The following ANO3 variants were observed in gnomAD, a reference collection of about 807,000 sequenced individuals.
ANO3 encodes the protein anoctamin-3.
In ANO3, 99 loss-of-function variants were observed where a neutral mutation model predicts 144.8. The ratio of observed to expected loss-of-function variants is 0.68; its 90% CI spans 0.58 to 0.81. The LOEUF (loss-of-function observed/expected upper bound fraction) is 0.81, where lower values mean the gene tolerates loss of function less well. ANO3 is among the 30% of genes least tolerant of loss of function. The pLI is 0.00. For synonymous variants in ANO3, 414 were observed against 392.6 expected (o/e 1.05, Z -0.64); for missense variants, 905 against 1,202.2 (o/e 0.75, Z 3.66).
rs1852886806 is a variant in ANO3 at position 26,634,461 on chromosome 11, T to A, written c.1985+146T>A. 5 of 571,812 alleles carry A rather than the reference T, an allele frequency of 8.7e-6. No homozygotes were observed. The East Asian group carries it at 1.4e-4, about 16-fold the overall frequency. 35.4% of individuals were successfully genotyped at this position (571,812 alleles called of 1,614,324 possible). A position where few individuals can be genotyped will look rare whatever the true frequency, so the allele number is the denominator to read the frequency against. ...AAAAAATAAAACCTATTTGCTGCAT[T>A]TGAGCTGAATTATGTCTGTTTCATC... On this transcript the variant is annotated intron_variant, in intron 19 of 26. Transcript: ENST00000256737.
At chr11:26,377,522 C>A (rs1265321277) in intron 1 of ANO3, among the ~76,000 whole-genome samples, 2 of 151,644 alleles carry the variant, frequency 1.3e-5, no homozygotes, top group African/African-American at 2.4e-5. Flanking sequence ...TAACAGAAAA[C>A]AATAAATTAA....
chr11:26,598,887 G>A lies in ANO3; in HGVS notation c.1560G>A (p.Lys520=). 6.2e-7 allele frequency: 1 copy of A among 1,613,880 alleles called. No individual in the cohort carries two copies. Among genetic ancestry groups the A allele is most frequent in the East Asian group, 2.2e-5 (1 of 44,844 alleles). The change falls in exon 16 of 27, where the codon AAG becomes AAA. Residue 520 remains lysine, a synonymous_variant. Transcript: ENST00000256737. ...EETLRPQFEA[K]YYKMEIVNPI... is the part of the protein sequence containing the mutation. ...CACTTCGTCCCCAGTTTGAAGCCAA[G>A]TATTACAAGATGGAGATTGTAAATC... is the stretch of plus-strand genomic sequence containing the variant.
At chr11:26,318,642 G>A (rs1043683073) in intron 1 of ANO3, among the ~76,000 whole-genome samples, 2 of 152,166 alleles carry the variant, frequency 1.3e-5, no homozygotes, top group African/African-American at 2.4e-5. Flanking sequence ...ACTTTGTGTG[G>A]GCTGGTGTAT....
intron 1 of ANO3, among the ~76,000 whole-genome samples, chr11:26,252,402 T>C (rs1254884571): frequency 2.6e-5 from 4 of 152,202 alleles, no homozygotes; most frequent in Non-Finnish European, 4.4e-5. Context: ...TCAGAGCCTG[T>C]TATGCAGTGA....
At chr11:26,610,308 AT>A (rs34715952) in intron 17 of ANO3, among the ~76,000 whole-genome samples, 40,631 of 130,092 alleles carry the variant, frequency 0.31, 5,859 homozygotes, top group Middle Eastern at 0.39. Context: ...GATGTTGAGC[AT>A]TTTTTTTTTT....
intron 14 of ANO3, among the ~76,000 whole-genome samples, chr11:26,589,404 C>A (rs1467373858): frequency 6.8e-6 from 1 of 146,132 alleles, no homozygotes; most frequent in Admixed American, 6.9e-5. Context: ...ACCTCAGTAC[C>A]CCAATTTTCT....
At chr11:26,299,600 T>A (rs1854174672) in intron 1 of ANO3, among the ~76,000 whole-genome samples, 1 of 151,958 alleles carries the variant, frequency 6.6e-6, no homozygotes, top group Non-Finnish European at 1.5e-5. Context: ...TGATGATAAA[T>A]GTCAACTAGA....
chr11:26,254,518 T>C (rs764154525), intron 1 of ANO3, among the ~76,000 whole-genome samples: 4 of 152,140 alleles, frequency 2.6e-5, no homozygotes, highest in Non-Finnish European at 5.9e-5. Flanking sequence ...TGGAGAAAAA[T>C]GCATTTGTTT....
chr11:26,481,803 C>T (rs1405557762), intron 4 of ANO3, among the ~76,000 whole-genome samples: 1 of 152,058 alleles, frequency 6.6e-6, no homozygotes, highest in Non-Finnish European at 1.5e-5. Context: ...CAAAGAAAAC[C>T]TAAGCAACAT....
chr11:26,376,882 T>G (rs200913429), intron 1 of ANO3, among the ~76,000 whole-genome samples: 1 of 152,130 alleles, frequency 6.6e-6, no homozygotes, highest in African/African-American at 2.4e-5. Context: ...TTTGTCCTTA[T>G]AGGAGCCATG....
At chr11:26,226,774 T>C (rs972505533) in intron 1 of ANO3, among the ~76,000 whole-genome samples, 1 of 152,204 alleles carries the variant, frequency 6.6e-6, no homozygotes, top group Non-Finnish European at 1.5e-5. Context: ...TTTAAACTTT[T>C]ATTTTTTTAA....
At chr11:26,483,566 G>A (rs1860314125) in intron 4 of ANO3, among the ~76,000 whole-genome samples, 1 of 152,106 alleles carries the variant, frequency 6.6e-6, no homozygotes, top group African/African-American at 2.4e-5. Context: ...TACCATGATT[G>A]TAAGTTTTCT....
At chr11:26,451,330 G>T (rs4638269) in intron 3 of ANO3, among the ~76,000 whole-genome samples, 1 of 152,090 alleles carries the variant, frequency 6.6e-6, no homozygotes, top group East Asian at 1.9e-4. Flanking sequence ...CCCTTTCCTA[G>T]TCAAAGAAAG....
At chr11:26,596,069 G>A (rs1406260308) in intron 14 of ANO3, among the ~76,000 whole-genome samples, 3 of 152,188 alleles carry the variant, frequency 2.0e-5, no homozygotes, top group African/African-American at 4.8e-5. Flanking sequence ...ATATTGGAGT[G>A]TTATAGGGTC....
At chr11:26,635,255 A>G (rs926058836) in intron 20 of ANO3, among the ~76,000 whole-genome samples, 185 bp downstream of exon 20, 2 of 152,204 alleles carry the variant, frequency 1.3e-5, no homozygotes, top group African/African-American at 4.8e-5. Flanking sequence ...GTTAAACCCC[A>G]AGATTCTCAC....
intron 1 of ANO3, among the ~76,000 whole-genome samples, chr11:26,415,770 G>T (rs546760724): frequency 6.6e-6 from 1 of 152,198 alleles, no homozygotes; most frequent in South Asian, 2.1e-4. Flanking sequence ...CTCTGTCATT[G>T]AACCGGGTAT....
At chr11:26,653,936 A>G (rs1036501579) in intron 24 of ANO3, among the ~76,000 whole-genome samples, 5 of 152,116 alleles carry the variant, frequency 3.3e-5, no homozygotes, top group Non-Finnish European at 5.9e-5. Context: ...CAATTATTTC[A>G]CCAAGGATTG....
chr11:26,515,230 G>A (rs912969282), intron 5 of ANO3, among the ~76,000 whole-genome samples: 5 of 151,934 alleles, frequency 3.3e-5, no homozygotes, highest in Non-Finnish European at 5.9e-5. Context: ...AGCATCTTAA[G>A]CTATTTTCCC....
intron 1 of ANO3, among the ~76,000 whole-genome samples, chr11:26,423,315 T>G (rs956013860): frequency 1.3e-5 from 2 of 149,588 alleles, no homozygotes; most frequent in African/African-American, 4.9e-5. Flanking sequence ...TATACTTTTT[T>G]TTTTTTTTTT....
Sources: gnomAD v4.1 joint callset for allele counts (sites outside exome capture counted in the v4.1 genomes callset) on GRCh38, gnomAD v4.1.1 for gene constraint, MANE v1.5 for transcripts, NCBI Gene and HGNC (gene_info 2026-07-23, HGNC 2026-07-21) for gene names.